Variants in PTPRG observed in about 807,000 individuals in gnomAD.
PTPRG encodes receptor-type tyrosine-protein phosphatase gamma.
A neutral mutation model predicts 165.3 loss-of-function variants in PTPRG; 102 were observed. That is an observed-to-expected ratio of 0.62 (90% CI 0.53 to 0.73). PTPRG has a LOEUF of 0.73. PTPRG is among the 30% of genes least tolerant of loss of function. PTPRG has a pLI of 0.00. For missense variants in PTPRG, 1,866 were observed against 1,861.4 expected (o/e 1.00, Z -0.05); for synonymous variants, 675 against 669.5 (o/e 1.01, Z -0.13).
chr3:61,987,067 T>G (rs920506296), intron 2 of PTPRG, among the ~76,000 whole-genome samples: 1 of 152,214 alleles, frequency 6.6e-6, no homozygotes, highest in Non-Finnish European at 1.5e-5. Flanking sequence ...ATTTATACAG[T>G]GTGGAATGGC....
chr3:61,897,619 C>T lies in PTPRG; in HGVS notation c.191-92006C>T, dbSNP rs1170753593. On this transcript the variant is annotated intron_variant, in intron 2 of 29. Transcript: ENST00000474889. ...ATAGTCTTGTGGATGTCTGCAAAAA[C>T]TTTCCTGGGATTTTAATAGGAATTG... Among the ~76,000 whole-genome samples, 3 of 152,188 alleles carry T rather than the reference C, an allele frequency of 2.0e-5. No homozygotes were observed. The East Asian group carries it at 5.8e-4, about 29-fold the overall frequency.
intron 1 of PTPRG, among the ~76,000 whole-genome samples, chr3:61,667,657 C>T (rs1215704237): frequency 6.6e-6 from 1 of 152,034 alleles, no homozygotes; most frequent in Non-Finnish European, 1.5e-5. Flanking sequence ...TAATAAATGT[C>T]AGTCTTGCCT....
At chr3:61,563,349 C>T (rs1018754113) in intron 1 of PTPRG, among the ~76,000 whole-genome samples, 1 of 152,150 alleles carries the variant, frequency 6.6e-6, no homozygotes, top group Non-Finnish European at 1.5e-5. Context: ...CCGCACGTAA[C>T]GGTGTGCGGC....
At chr3:61,950,042 G>C (rs1201798993) in intron 2 of PTPRG, among the ~76,000 whole-genome samples, 2 of 152,152 alleles carry the variant, frequency 1.3e-5, no homozygotes, top group Admixed American at 1.3e-4. Flanking sequence ...CACTGAGCCC[G>C]GCCAAGCCTT....
intron 2 of PTPRG, among the ~76,000 whole-genome samples, chr3:61,798,532 A>G (rs1156602592): frequency 6.6e-6 from 1 of 151,956 alleles, no homozygotes; most frequent in Non-Finnish European, 1.5e-5. Flanking sequence ...AAAGGAATAA[A>G]AATTTTTTCA....
chr3:61,707,024 C>CATA (rs2031298787), intron 1 of PTPRG, among the ~76,000 whole-genome samples: 1 of 152,032 alleles, frequency 6.6e-6, no homozygotes, highest in Non-Finnish European at 1.5e-5. Context: ...CTTTTTTCTA[C>CATA]TTAATATCTC....
chr3:62,021,546 T>A (rs1409328085), intron 4 of PTPRG, among the ~76,000 whole-genome samples: 1 of 152,210 alleles, frequency 6.6e-6, no homozygotes, highest in Non-Finnish European at 1.5e-5. Flanking sequence ...GCCTTCATGA[T>A]GTACTTATGG....
At chr3:61,857,307 T>G (rs1040760701) in intron 2 of PTPRG, among the ~76,000 whole-genome samples, 34 of 152,186 alleles carry the variant, frequency 2.2e-4, no homozygotes, top group Non-Finnish European at 4.6e-4. Flanking sequence ...AACCCACCTC[T>G]TGTGAATTCA....
chr3:61,989,629 C>T lies in PTPRG; in HGVS notation c.195C>T (p.Ala65=), dbSNP rs1441255692. The T allele has an allele frequency of 6.2e-6, 10 of 1,613,088 alleles. No homozygotes were observed. The South Asian group carries it at 1.1e-4, about 18-fold the overall frequency. ...AGTGTTGTCTTCTTTCAACAGGTGC[C>T]TATGGTCCTGAGCACTGGGTCACGT... The part of the protein sequence containing the change: ...SGDPYWAYSG[A]YGPEHWVTSS... Residue 65 remains alanine, a synonymous_variant, in exon 3 of 30, where the codon GCC becomes GCT. Transcript: ENST00000474889.
At position 61,718,001 on chromosome 3, in the gene PTPRG, G is replaced by A. The variant is rs183755314; in HGVS notation, c.86-30877G>A. Among the ~76,000 whole-genome samples the A allele has an allele frequency of 9.2e-5, 14 of 151,720 alleles. No individual in the cohort carries two copies. In the East Asian group the frequency reaches 1.6e-3, roughly 17 times the overall value. On this transcript the variant is annotated intron_variant, in intron 1 of 29. Transcript: ENST00000474889. ...TTGAGACCAGCCTGGCCAACATGGT[G>A]AAACCCTGTCTCTACTAAAAATAAA...
At chr3:61,585,377 G>A (rs948177965) in intron 1 of PTPRG, among the ~76,000 whole-genome samples, 1 of 151,932 alleles carries the variant, frequency 6.6e-6, no homozygotes, top group Non-Finnish European at 1.5e-5. Context: ...TAAATCATCT[G>A]TAACCTCAAC....
Position 62,240,853 on chromosome 3 carries a change from A to G in PTPRG, c.2376-2954A>G, listed in dbSNP as rs979543705. ...CCTTCAGCCGACTTCATTTACCACC[A>G]CATCATTCTTATTTTCTTCATTGCT... On this transcript the variant is annotated intron_variant, in intron 14 of 29. Transcript: ENST00000474889. The surrounding 1 kb of genome is among the most constrained non-coding windows in gnomAD (Gnocchi z 5.1). 6.6e-6 allele frequency among the ~76,000 whole-genome samples: 1 copy of G among 152,080 alleles called. No individual in the cohort carries two copies. Among genetic ancestry groups the G allele is most frequent in the Non-Finnish European group, 1.5e-5 (1 of 68,010 alleles).
intron 26 of PTPRG, 64 bp from the exon 27 acceptor site, chr3:62,281,499 C>G: frequency 7.4e-7 from 1 of 1,350,902 alleles, no homozygotes; most frequent in Admixed American, 3.2e-5. Flanking sequence ...AATCCGTATG[C>G]AAGAAATAGA....
At chr3:62,135,089 A>G (rs1703656983) in intron 6 of PTPRG, among the ~76,000 whole-genome samples, 1 of 151,958 alleles carries the variant, frequency 6.6e-6, no homozygotes, top group Non-Finnish European at 1.5e-5. Flanking sequence ...CCTGGGCAAC[A>G]TGGCAAAACC....
chr3:61,924,898 A>G (rs1227566421), intron 2 of PTPRG, among the ~76,000 whole-genome samples: 1 of 152,180 alleles, frequency 6.6e-6, no homozygotes, highest in Non-Finnish European at 1.5e-5. Context: ...TTTGGGAAGT[A>G]ATTAGGTCAT....
At chr3:61,698,606 T>G (rs559226948) in intron 1 of PTPRG, among the ~76,000 whole-genome samples, 3 of 152,310 alleles carry the variant, frequency 2.0e-5, no homozygotes, top group Admixed American at 6.5e-5. Context: ...CTGAAACCTT[T>G]TAATTTCAGA....
chr3:61,564,316 A>C (rs1699851848), intron 1 of PTPRG, among the ~76,000 whole-genome samples: 1 of 151,964 alleles, frequency 6.6e-6, no homozygotes, highest in Non-Finnish European at 1.5e-5. Flanking sequence ...CTGCCTTGCA[A>C]ATTAGAGGAA....
At chr3:62,088,430 T>C (rs935603847) in intron 5 of PTPRG, among the ~76,000 whole-genome samples, 1 of 152,206 alleles carries the variant, frequency 6.6e-6, no homozygotes, top group African/African-American at 2.4e-5. Context: ...TAACTAATAA[T>C]CCCAGTCCTA....
intron 1 of PTPRG, among the ~76,000 whole-genome samples, chr3:61,686,442 T>A (rs74623624): frequency 2.6e-5 from 4 of 152,176 alleles, no homozygotes; most frequent in Non-Finnish European, 4.4e-5. Context: ...GACGTCACTA[T>A]TGGGGACTTT....
Sources: gnomAD v4.1 joint callset for allele counts (sites outside exome capture counted in the v4.1 genomes callset) on GRCh38, gnomAD v4.1.1 for gene constraint, Gnocchi (gnomAD v3.1) non-coding constraint, MANE v1.5 for transcripts, NCBI Gene and HGNC (gene_info 2026-07-23, HGNC 2026-07-21) for gene names.